Variants in INSR observed in about 807,000 individuals in gnomAD.
INSR encodes the protein insulin receptor, also known as IR.
A neutral mutation model predicts 142.6 loss-of-function variants in INSR; 67 were observed. The ratio of observed to expected loss-of-function variants is 0.47; its 90% CI spans 0.39 to 0.58. The LOEUF is 0.58. Ranked by LOEUF, INSR falls within the 20% of genes least tolerant of loss-of-function variation. INSR has a pLI of 0.00. For missense variants in INSR, 1,248 were observed against 1,833.2 expected, an observed-to-expected ratio of 0.68 and a Z score of 5.83; for synonymous variants, 756 against 743.1, an observed-to-expected ratio of 1.02 and a Z score of -0.28.
chr19:7,235,827 TA>T (rs1225244674), intron 2 of INSR, among the ~76,000 whole-genome samples: 16 of 152,098 alleles, frequency 1.1e-4, no homozygotes, highest in African/African-American at 3.9e-4. Flanking sequence ...ATCCTATCTC[TA>T]AAAATAATAA....
At chr19:7,203,126 T>C (rs1225555019) in intron 2 of INSR, among the ~76,000 whole-genome samples, 1 of 152,010 alleles carries the variant, frequency 6.6e-6, no homozygotes, top group Admixed American at 6.6e-5. Context: ...TTATTAACCA[T>C]GTTATTCAAA....
intron 9 of INSR, among the ~76,000 whole-genome samples, chr19:7,158,259 G>C (rs1428046354): frequency 6.6e-6 from 1 of 151,982 alleles, no homozygotes; most frequent in African/African-American, 2.4e-5. Flanking sequence ...CCAGCACGTT[G>C]GGAGGCCAAG....
At chr19:7,157,367 G>A (rs1046139207) in intron 9 of INSR, among the ~76,000 whole-genome samples, 1 of 151,106 alleles carries the variant, frequency 6.6e-6, no homozygotes, top group African/African-American at 2.4e-5. Flanking sequence ...CACCCGCCTT[G>A]GCCTCCCAAA....
rs1335000020 is a variant in INSR, at chr19:7,192,159, A to G, written c.653-7522T>C. ...AAAGATAAGAGAGAGAGAAAGAGAAAGAAAAAGAAAGACAGAGAAAGAAAA... is the reference window on the plus strand; with the variant it reads ...AAAGATAAGAGAGAGAGAAAGAGAAGGAAAAAGAAAGACAGAGAAAGAAAA... On this transcript the variant is annotated intron_variant, in intron 2 of 21. Coordinates refer to ENST00000302850, the MANE Select transcript of INSR (RefSeq NM_000208.4). The surrounding 1 kb of genome is among the most constrained non-coding windows in gnomAD (Gnocchi z 4.2). Among the ~76,000 whole-genome samples, 1 of 135,040 alleles carries G rather than the reference A, an allele frequency of 7.4e-6. No individual in the cohort carries two copies. Among genetic ancestry groups the G allele is most frequent in the Non-Finnish European group, 1.6e-5 (1 of 62,472 alleles). The allele number at this position is 135,040 out of a possible 152,430, so 88.6% of individuals were successfully genotyped here.
chr19:7,203,721 A>G (rs6510960), intron 2 of INSR, among the ~76,000 whole-genome samples: 29,954 of 152,114 alleles, frequency 0.2, 4,720 homozygotes, highest in African/African-American at 0.44. Context: ...ACAGGTGCCC[A>G]TGGGGACGTA....
At chr19:7,255,950 T>C (rs540046997) in intron 2 of INSR, among the ~76,000 whole-genome samples, 1 of 151,626 alleles carries the variant, frequency 6.6e-6, no homozygotes, top group Non-Finnish European at 1.5e-5. Flanking sequence ...TGGAACAATC[T>C]CTCCTCTTTT....
chr19:7,124,466 G>T (rs1230383063), intron 17 of INSR, among the ~76,000 whole-genome samples: 1 of 134,148 alleles, frequency 7.5e-6, no homozygotes, highest in African/African-American at 2.8e-5. Context: ...GTGAATCCAG[G>T]AGGTGGAGCT....
intron 10 of INSR, chr19:7,152,451 A>G (rs1006850717): frequency 2.0e-6 from 1 of 496,518 alleles, no homozygotes; most frequent in African/African-American, 1.9e-5. Context: ...TTTGGAACTC[A>G]CGTGGAGACC....
chr19:7,283,383 AG>A (rs1468860087), intron 1 of INSR, among the ~76,000 whole-genome samples: 1 of 152,056 alleles, frequency 6.6e-6, no homozygotes, highest in Non-Finnish European at 1.5e-5. Context: ...TACAACAAAA[AG>A]GGCATTTGCA....
chr19:7,196,242 T>C (rs1326164888), intron 2 of INSR, among the ~76,000 whole-genome samples: 2 of 152,182 alleles, frequency 1.3e-5, no homozygotes, highest in Non-Finnish European at 2.9e-5. Flanking sequence ...GCCTCAGAAC[T>C]TTCTTGTTCT....
At chr19:7,239,529 A>G (rs1283165724) in intron 2 of INSR, among the ~76,000 whole-genome samples, 2 of 152,176 alleles carry the variant, frequency 1.3e-5, no homozygotes, top group African/African-American at 4.8e-5. Flanking sequence ...CTTGGAGACC[A>G]TTCGGGGAGT....
intron 2 of INSR, among the ~76,000 whole-genome samples, chr19:7,215,522 G>A (rs1163127570): frequency 6.6e-6 from 1 of 151,176 alleles, no homozygotes; most frequent in Non-Finnish European, 1.5e-5. Flanking sequence ...GGAAACGCCA[G>A]CAGCCCCTGA....
chr19:7,124,516 A>ACAACAAAG (rs1972575165), intron 17 of INSR, among the ~76,000 whole-genome samples: 1 of 119,052 alleles, frequency 8.4e-6, no homozygotes, highest in Non-Finnish European at 1.7e-5. Context: ...TCCAGCCTGC[A>ACAACAAAG]CAACAAAGCG....
chr19:7,184,196 A>G, intron 3 of INSR, 120 bp downstream of exon 3: 2 of 845,606 alleles, frequency 2.4e-6, no homozygotes, highest in Non-Finnish European at 3.8e-6. Context: ...GAGAGCAGAG[A>G]CCTCACTCAT....
rs181809510 is a variant in INSR, at chr19:7,225,232, G to A, written c.653-40595C>T. ...GCCCATGGTCACACAGCTATTGAGC[G>A]GCCGAGCCACAAGAAGACACTTGCT... On this transcript the variant is annotated intron_variant, in intron 2 of 21. Transcript: ENST00000302850. The surrounding 1 kb of genome is among the most constrained non-coding windows in gnomAD (Gnocchi z 4.7). Among the ~76,000 whole-genome samples, 230 of 152,258 alleles carry A rather than the reference G, an allele frequency of 1.5e-3. 3 individuals are homozygous for A. The highest frequency in any genetic ancestry group is 5.8e-4 in the East Asian group (3 of 5,178).
In INSR at chr19:7,192,311, A is replaced by AG. The variant is rs979443731; in HGVS notation, c.653-7675_653-7674insC. 6.1e-5 allele frequency among the ~76,000 whole-genome samples: 9 copies of AG among 147,834 alleles called. No individual in the cohort carries two copies. The South Asian group carries it at 8.6e-4, about 14-fold the overall frequency. On this transcript the variant is annotated intron_variant, in intron 2 of 21. Transcript: ENST00000302850. This position sits in a 1 kb window ranked among gnomAD's most constrained non-coding sequence, Gnocchi z 4.2. ...AGAAAAGAAAAGAAAAGAAAAGAAA[A>AG]AAATCACAGGCAGCCCAGGCTGGGG... is the stretch of plus-strand genomic sequence containing the variant.
At chr19:7,210,824 G>A (rs2145072268) in intron 2 of INSR, among the ~76,000 whole-genome samples, 1 of 152,192 alleles carries the variant, frequency 6.6e-6, no homozygotes, top group South Asian at 2.1e-4. Flanking sequence ...CTGCCTCGCG[G>A]TTTCAAGCAA....
intron 13 of INSR, among the ~76,000 whole-genome samples, chr19:7,137,586 G>A (rs1972962996): frequency 6.6e-6 from 1 of 151,956 alleles, no homozygotes; most frequent in Admixed American, 6.6e-5. Flanking sequence ...TTAAGAGCTC[G>A]AGACCAGCCA....
intron 1 of INSR, among the ~76,000 whole-genome samples, chr19:7,275,238 G>A (rs1968030951): frequency 6.6e-6 from 1 of 151,790 alleles, no homozygotes. Flanking sequence ...GCCTCCCAAA[G>A]TGCTGGGATT....
Sources: allele counts gnomAD v4.1 joint callset (sites outside exome capture counted in the v4.1 genomes callset), GRCh38; gene constraint gnomAD v4.1.1; non-coding constraint Gnocchi (gnomAD v3.1); transcripts MANE v1.5; gene names NCBI Gene and HGNC (gene_info 2026-07-23, HGNC 2026-07-21).